The following XPO4 variants were observed in gnomAD, a reference collection of about 807,000 sequenced individuals.
XPO4 encodes the protein exportin 4.
XPO4 carries 39 observed loss-of-function variants against 143.0 expected under a neutral mutation model. The ratio of observed to expected loss-of-function variants is 0.27; its 90% CI spans 0.21 to 0.36. XPO4 has a LOEUF of 0.36. Ranked by LOEUF, XPO4 falls within the 10% of genes least tolerant of loss-of-function variation. The pLI is 1.00. For synonymous variants in XPO4, 439 were observed against 474.0 expected (o/e 0.93, Z 0.96); for missense variants, 907 against 1,348.0 (o/e 0.67, Z 5.12).
chr13:20,850,333 T>A, intron 4 of XPO4: 1 of 930,844 alleles, frequency 1.1e-6, no homozygotes, highest in East Asian at 1.2e-4. Context: ...AACTAATGCC[T>A]AGAGAAGTTA....
intron 1 of XPO4, among the ~76,000 whole-genome samples, chr13:20,887,209 A>G (rs2060469325): frequency 6.6e-6 from 1 of 152,236 alleles, no homozygotes; most frequent in African/African-American, 2.4e-5. Context: ...CTAGCATATC[A>G]TCATAAATAT....
At chr13:20,813,666 G>A (rs1055485110) in intron 9 of XPO4, among the ~76,000 whole-genome samples, 7 of 151,986 alleles carry the variant, frequency 4.6e-5, no homozygotes, top group African/African-American at 1.7e-4. Context: ...TATACTTTAG[G>A]AGAGCTCTCA....
intron 4 of XPO4, chr13:20,852,432 C>T (rs1192084735): frequency 4.1e-6 from 4 of 985,158 alleles, no homozygotes; most frequent in African/African-American, 1.7e-5. Flanking sequence ...CCCAGGCTAT[C>T]GATGATGACC....
At chr13:20,859,497 G>A (rs374313336) in intron 3 of XPO4, among the ~76,000 whole-genome samples, 9 of 152,106 alleles carry the variant, frequency 5.9e-5, no homozygotes, top group African/African-American at 1.7e-4. Context: ...CTACTCGGGA[G>A]GCTGAGGCAG....
In XPO4 at chr13:20,777,933, A is replaced by G. The variant is rs889788424; in HGVS notation, c.*5789T>C. ...TTCTTTCATTAGTTTCACCAAATATACCATTTCCACTTAGTTTTAAAAGAA... is the reference window on the plus strand; with the variant it reads ...TTCTTTCATTAGTTTCACCAAATATGCCATTTCCACTTAGTTTTAAAAGAA... On this transcript the variant is annotated 3_prime_UTR_variant, in exon 23 of 23. Transcript: ENST00000255305. 1 of 152,188 alleles carries G rather than the reference A, an allele frequency of 6.6e-6. No homozygotes were observed. Among genetic ancestry groups the G allele is most frequent in the Non-Finnish European group, 1.5e-5 (1 of 68,034 alleles). The allele number at this position is 152,188 out of a possible 1,614,324, so 9.4% of individuals were successfully genotyped here.
At chr13:20,852,500 A>T in intron 4 of XPO4, 10 of 985,430 alleles carry the variant, frequency 1.0e-5, no homozygotes, top group Non-Finnish European at 1.2e-5. Context: ...AAATTCATAG[A>T]AATGACAAGA....
At chr13:20,894,553 T>G (rs573842096) in intron 1 of XPO4, among the ~76,000 whole-genome samples, 3 of 152,226 alleles carry the variant, frequency 2.0e-5, no homozygotes, top group Non-Finnish European at 2.9e-5. Context: ...AGTAGATTTT[T>G]TTTTTGGCCG....
intron 1 of XPO4, among the ~76,000 whole-genome samples, chr13:20,885,239 C>T (rs541471695): frequency 7.2e-5 from 11 of 152,204 alleles, no homozygotes; most frequent in African/African-American, 9.6e-5. Context: ...TATGAGCCAC[C>T]GTGCCCAGCC....
intron 19 of XPO4, among the ~76,000 whole-genome samples, chr13:20,789,380 A>G (rs1595052937): frequency 6.8e-6 from 1 of 147,170 alleles, no homozygotes; most frequent in South Asian, 2.1e-4. Context: ...CCTTCTGGAC[A>G]CTTCTCAGCC....
At position 20,797,010 on chromosome 13, in the gene XPO4, T is replaced by G; in HGVS notation, c.2370A>C (p.Glu790Asp). The G allele has an allele frequency of 6.2e-7, 1 of 1,612,244 alleles. No individual in the cohort carries two copies. The highest frequency in any genetic ancestry group is 8.5e-7 in the Non-Finnish European group (1 of 1,179,124). Residue 790 changes from glutamate to aspartate, a missense_variant, in exon 17 of 23, where the codon GAA becomes GAC. Coordinates refer to ENST00000255305, the MANE Select transcript of XPO4 (RefSeq NM_022459.5). Reference protein sequence around the residue: ...QQRFLRVINQENFQQMCQQEE... With the variant: ...QQRFLRVINQDNFQQMCQQEE... ...CTTGCTGACACATCTGCTGGAAGTT[T>G]TCTTGGTTTATCACTCTTAAGAATC...
In XPO4 at chr13:20,842,920, C is replaced by T. The variant is rs1170515415; in HGVS notation, c.702G>A (p.Leu234=). Residue 234 remains leucine, a synonymous_variant, in exon 6 of 23, where the codon TTG becomes TTA. Transcript: ENST00000255305. Reference sequence around the variant, plus strand: ...AATTTGGAGGAAGAAAGTTCCAGCTCAAGACTTGATTGGCGAGTGCAAGGT... The same window carrying T: ...AATTTGGAGGAAGAAAGTTCCAGCTTAAGACTTGATTGGCGAGTGCAAGGT... The part of the protein sequence containing the change: ...QRYLALANQV[L]SWNFLPPNLG... 2.5e-6 allele frequency: 4 copies of T among 1,611,294 alleles called. No homozygotes were observed. The highest frequency in any genetic ancestry group is 2.2e-5 in the East Asian group (1 of 44,832).
intron 3 of XPO4, among the ~76,000 whole-genome samples, chr13:20,859,562 T>C (rs1479745434): frequency 6.6e-6 from 1 of 151,890 alleles, no homozygotes; most frequent in East Asian, 1.9e-4. Context: ...ATCACGCCAC[T>C]GCACTCCAGC....
intron 2 of XPO4, among the ~76,000 whole-genome samples, chr13:20,864,487 A>G (rs2060227632): frequency 6.6e-6 from 1 of 152,190 alleles, no homozygotes; most frequent in Non-Finnish European, 1.5e-5. Flanking sequence ...TCTGAAGACC[A>G]TCTAAATCAA....
chr13:20,852,431 T>A, intron 4 of XPO4: 1 of 985,426 alleles, frequency 1.0e-6, no homozygotes, highest in Non-Finnish European at 1.2e-6. Context: ...CCCCAGGCTA[T>A]CGATGATGAC....
intron 1 of XPO4, among the ~76,000 whole-genome samples, chr13:20,870,658 A>T (rs2060287737): frequency 6.6e-6 from 1 of 151,130 alleles, no homozygotes; most frequent in Non-Finnish European, 1.5e-5. Flanking sequence ...TGAACGCAGG[A>T]GGCAGAGGTT....
intron 1 of XPO4, among the ~76,000 whole-genome samples, chr13:20,868,905 C>T (rs1450117640): frequency 1.3e-5 from 2 of 152,018 alleles, no homozygotes; most frequent in African/African-American, 4.8e-5. Flanking sequence ...GAAAAAATTC[C>T]TGGCAAGGTT....
intron 18 of XPO4, among the ~76,000 whole-genome samples, chr13:20,793,939 C>A (rs962529005): frequency 2.6e-5 from 4 of 152,088 alleles, no homozygotes. Flanking sequence ...CATCTAGAGT[C>A]CAGTAAGGAA....
Position 20,808,507 on chromosome 13 carries a change from C to G in XPO4, c.1568G>C (p.Gly523Ala). ...CATTTTGTTGTCAACAGTGCTTGAA[C>G]CCGGTGAAGCAAGTAACTGTTGCTG... ...RHQQQLLASP[G>A]SSTVDNKMLD... is the part of the protein sequence containing the mutation. The change falls in exon 12 of 23, where the codon GGT (glycine) becomes GCT (alanine). Residue 523 changes from glycine (G) to alanine (A), a missense_variant. Coordinates refer to ENST00000255305, the MANE Select transcript of XPO4 (RefSeq NM_022459.5). 1 of 1,573,598 alleles carries G rather than the reference C, an allele frequency of 6.4e-7. No homozygotes were observed. Among genetic ancestry groups the G allele is most frequent in the East Asian group, 2.3e-5 (1 of 44,356 alleles).
chr13:20,841,103 G>GAC (rs2059969028), intron 6 of XPO4, among the ~76,000 whole-genome samples: 1 of 152,138 alleles, frequency 6.6e-6, no homozygotes, highest in Non-Finnish European at 1.5e-5. Flanking sequence ...CCTTAAAACA[G>GAC]ACACTTTAAA....
Sources: allele counts gnomAD v4.1 joint callset (sites outside exome capture counted in the v4.1 genomes callset), GRCh38; gene constraint gnomAD v4.1.1; transcripts MANE v1.5; gene names NCBI Gene and HGNC (gene_info 2026-07-23, HGNC 2026-07-21).